ZNF592: variants seen among roughly 807,000 people sequenced by gnomAD.
ZNF592 encodes the protein spinocerebellar ataxia, autosomal recessive 5.
In ZNF592, 11 loss-of-function variants were observed where a neutral mutation model predicts 80.3. The ratio of observed to expected loss-of-function variants is 0.14; its 90% CI spans 0.09 to 0.23. The LOEUF is 0.23. ZNF592 is among the 10% of genes least tolerant of loss of function. The pLI is 1.00. For synonymous variants in ZNF592, 646 were observed against 640.3 expected, an observed-to-expected ratio of 1.01 and a Z score of -0.13; for missense variants, 1,420 against 1,633.9, an observed-to-expected ratio of 0.87 and a Z score of 2.26.
At chr15:84,790,624 C>T in intron 4 of ZNF592, 81 bp from the exon 5 acceptor site, 1 of 1,458,302 alleles carries the variant, frequency 6.9e-7, no homozygotes, top group Non-Finnish European at 9.6e-7. Context: ...GACCCATGTA[C>T]TAGCAAACCA....
chr15:84,788,449 G>A (rs576238933), intron 4 of ZNF592, among the ~76,000 whole-genome samples: 1 of 152,126 alleles, frequency 6.6e-6, no homozygotes, highest in East Asian at 1.9e-4. Context: ...TATAGTTTAC[G>A]TTGGAAAATG....
Position 84,797,882 on chromosome 15 carries a change from G to A in ZNF592, c.2413G>A (p.Gly805Ser), listed in dbSNP as rs1397721938. ...ACTTCTGTCTAGGTGCATCCACTGT[G>A]GTGTCGTCCACCTGACCTTGGCCTT... is the stretch of plus-strand genomic sequence containing the variant. ...RKVGYRCIHC[G>S]VVHLTLALLK... is the part of the protein sequence containing the mutation. Residue 805 changes from glycine (G) to serine (S), a missense_variant, in exon 6 of 11, where the codon GGT (glycine) becomes AGT (serine). Coordinates refer to ENST00000560079, the MANE Select transcript of ZNF592 (RefSeq NM_014630.3). 6.2e-7 allele frequency: 1 copy of A among 1,614,084 alleles called. No individual in the cohort carries two copies. The highest frequency in any genetic ancestry group is 1.3e-5 in the African/African-American group (1 of 74,912).
intron 4 of ZNF592, among the ~76,000 whole-genome samples, chr15:84,785,789 C>T (rs927521319): frequency 6.6e-6 from 1 of 151,516 alleles, no homozygotes; most frequent in African/African-American, 2.4e-5. Context: ...CTTTCAACTG[C>T]GTTCTCACCA....
chr15:84,791,652 G>A (rs1043258613), intron 5 of ZNF592, among the ~76,000 whole-genome samples: 26 of 152,084 alleles, frequency 1.7e-4, no homozygotes, highest in African/African-American at 6.3e-4. Flanking sequence ...TTAAGACACA[G>A]CCCTTGCCCT....
Position 84,798,038 on chromosome 15 carries a change from C to A in ZNF592, c.2569C>A (p.Pro857Thr). The change falls in exon 6 of 11, where the codon CCC becomes ACC. Residue 857 changes from proline to threonine, a missense_variant. By Grantham distance (38) the Pro-to-Thr change is conservative. Coordinates refer to ENST00000560079, the MANE Select transcript of ZNF592 (RefSeq NM_014630.3). This position sits in a 1 kb window ranked among gnomAD's most constrained non-coding sequence, Gnocchi z 4.5. ...CCAGCACCCCACCCAGCCCCACAGA[C>A]CCTCCCAGTGAGTGCAGCTCCAGGG... ...ATQHPTQPHRPSQLIYKCSCE... is the reference protein window; with the variant it reads ...ATQHPTQPHRTSQLIYKCSCE... 2.5e-6 allele frequency: 4 copies of A among 1,613,868 alleles called. No individual in the cohort carries two copies. The highest frequency in any genetic ancestry group is 3.4e-6 in the Non-Finnish European group (4 of 1,180,014).
Position 84,802,540 on chromosome 15 carries a change from C to G in ZNF592, c.*147C>G. 1 of 938,104 alleles carries G rather than the reference C, an allele frequency of 1.1e-6. No individual in the cohort carries two copies. The highest frequency in any genetic ancestry group is 1.6e-6 in the Non-Finnish European group (1 of 612,686). 58.1% of individuals were successfully genotyped at this position (938,104 alleles called of 1,614,324 possible). On this transcript the variant is annotated 3_prime_UTR_variant, in exon 11 of 11. Coordinates refer to ENST00000560079, the MANE Select transcript of ZNF592 (RefSeq NM_014630.3). ...TAGTGTCTGCCCTGAGCTGCCAGTGCTGGGTATCCCCCAGCCCCAGGAAAT... is the reference window on the plus strand; with the variant it reads ...TAGTGTCTGCCCTGAGCTGCCAGTGGTGGGTATCCCCCAGCCCCAGGAAAT...
chr15:84,778,784 C>T (rs1309503012), intron 3 of ZNF592, among the ~76,000 whole-genome samples: 2 of 152,194 alleles, frequency 1.3e-5, no homozygotes, highest in Non-Finnish European at 2.9e-5. Context: ...AGAACAGCAG[C>T]TAGGGCTCTT....
At chr15:84,772,521 G>C (rs1962111690) in intron 2 of ZNF592, among the ~76,000 whole-genome samples, 1 of 152,136 alleles carries the variant, frequency 6.6e-6, no homozygotes, top group Non-Finnish European at 1.5e-5. Context: ...TTGCACTCCA[G>C]CCTGGGCAAC....
Position 84,778,226 on chromosome 15 carries a change from G to T in ZNF592, c.-106G>T. 1 of 202,712 alleles carries T rather than the reference G, an allele frequency of 4.9e-6. No homozygotes were observed. The highest frequency in any genetic ancestry group is 1.0e-5 in the Non-Finnish European group (1 of 100,468). 12.6% of individuals were successfully genotyped at this position (202,712 alleles called of 1,614,324 possible). The stretch of plus-strand genomic sequence containing the variant: ...GCAAGAAGGAAGGGAGAAGACAGAA[G>T]GAAGACGCTCCCCCGTACGGAGACA... On this transcript the variant is annotated 5_prime_UTR_variant, in exon 3 of 11. It adds an upstream start codon to the 5' untranslated region. Coordinates refer to ENST00000560079, the MANE Select transcript of ZNF592 (RefSeq NM_014630.3).
chr15:84,794,865 A>G (rs1381264926), intron 5 of ZNF592, among the ~76,000 whole-genome samples: 1 of 152,148 alleles, frequency 6.6e-6, no homozygotes, highest in Admixed American at 6.6e-5. Context: ...TTGAGTTGTA[A>G]GAGTTTTTTA....
At chr15:84,751,238 T>A (rs62019464) in intron 1 of ZNF592, among the ~76,000 whole-genome samples, 30,155 of 152,184 alleles carry the variant, frequency 0.2, 3,792 homozygotes, top group Middle Eastern at 0.36. Flanking sequence ...TTTAACTTAG[T>A]CCTCTCTACA....
rs890102056 is a variant in ZNF592, at chr15:84,804,020, A to G, written c.*1627A>G. The G allele has an allele frequency of 6.6e-6, 1 of 152,264 alleles. No individual in the cohort carries two copies. Among genetic ancestry groups the G allele is most frequent in the Admixed American group, 6.5e-5 (1 of 15,288 alleles). 9.4% of individuals were successfully genotyped at this position (152,264 alleles called of 1,614,324 possible). A position where few individuals can be genotyped will look rare whatever the true frequency, so the allele number is the denominator to read the frequency against. The stretch of plus-strand genomic sequence containing the variant: ...ATATGCCTGACCTTTTCACAGTTGA[A>G]AAAATACATTTTTTCCCCTCTATCA... On this transcript the variant is annotated 3_prime_UTR_variant, in exon 11 of 11. Transcript: ENST00000560079.
intron 3 of ZNF592, among the ~76,000 whole-genome samples, chr15:84,781,963 G>A (rs1389138487): frequency 6.6e-6 from 1 of 152,160 alleles, no homozygotes; most frequent in African/African-American, 2.4e-5. Context: ...ACTGTCACTT[G>A]GCCAATTTGA....
chr15:84,788,290 T>C (rs906470893), intron 4 of ZNF592, among the ~76,000 whole-genome samples: 5 of 152,252 alleles, frequency 3.3e-5, no homozygotes, highest in African/African-American at 7.2e-5. Flanking sequence ...TTTTACCTAA[T>C]TATCCATCAG....
At chr15:84,773,628 AT>A (rs1273463651) in intron 2 of ZNF592, among the ~76,000 whole-genome samples, 4 of 152,214 alleles carry the variant, frequency 2.6e-5, no homozygotes, top group Admixed American at 1.3e-4. Flanking sequence ...CCCAGTACAT[AT>A]TTTATTTCAA....
intron 10 of ZNF592, among the ~76,000 whole-genome samples, chr15:84,801,250 T>G (rs1166002615): frequency 6.6e-6 from 1 of 151,914 alleles, no homozygotes; most frequent in Non-Finnish European, 1.5e-5. Flanking sequence ...GCTTAAGCTC[T>G]GAGGTAAGAC....
chr15:84,798,418 T>C lies in ZNF592; in HGVS notation c.2680T>C (p.Cys894Arg). 6.2e-7 allele frequency: 1 copy of C among 1,614,174 alleles called. No homozygotes were observed. Among genetic ancestry groups the C allele is most frequent in the Non-Finnish European group, 8.5e-7 (1 of 1,180,022 alleles). The part of the protein sequence containing the change: ...VSKTQVGVFK[C>R]PECPLLFVQK... ...CAAGACGCAGGTGGGCGTCTTCAAG[T>C]GCCCTGAGTGCCCACTCTTGTTCGT... Residue 894 changes from cysteine to arginine, a missense_variant, in exon 7 of 11, where the codon TGC (cysteine) becomes CGC (arginine). By Grantham distance (180) the Cys-to-Arg change is radical (BLOSUM62 -3). Around this residue, in one of 7 missense-constraint regions of ZNF592, gnomAD observed 331 missense variants for 347.0 expected, o/e 0.95. Coordinates refer to ENST00000560079, the MANE Select transcript of ZNF592 (RefSeq NM_014630.3). The surrounding 1 kb of genome is among the most constrained non-coding windows in gnomAD (Gnocchi z 4.5).
At chr15:84,780,867 G>T (rs1052623301) in intron 3 of ZNF592, among the ~76,000 whole-genome samples, 1 of 152,084 alleles carries the variant, frequency 6.6e-6, no homozygotes, top group Non-Finnish European at 1.5e-5. Flanking sequence ...TAACCCAACA[G>T]TAATTCCACT....
intron 3 of ZNF592, among the ~76,000 whole-genome samples, chr15:84,779,356 TA>T (rs1428736021): frequency 6.6e-6 from 1 of 152,218 alleles, no homozygotes; most frequent in Non-Finnish European, 1.5e-5. Context: ...TTCAAGTAAA[TA>T]TAAACATGTA....
Sources: allele counts gnomAD v4.1 joint callset (sites outside exome capture counted in the v4.1 genomes callset), GRCh38; gene constraint gnomAD v4.1.1; regional missense constraint gnomAD v4.1.1; non-coding constraint Gnocchi (gnomAD v3.1); transcripts MANE v1.5; gene names NCBI Gene and HGNC (gene_info 2026-07-23, HGNC 2026-07-21).